Variants in DYRK4 observed in about 807,000 individuals in gnomAD.
DYRK4 encodes dual specificity tyrosine phosphorylation regulated kinase 4, also known as dual specificity tyrosine-phosphorylation-regulated kinase 4.
A neutral mutation model predicts 68.3 loss-of-function variants in DYRK4; 64 were observed. The ratio of observed to expected loss-of-function variants is 0.94; its 90% CI spans 0.77 to 1.15. The LOEUF (loss-of-function observed/expected upper bound fraction) is 1.15, where lower values mean the gene tolerates loss of function less well. Among genes scored for constraint, DYRK4 ranks in the 50% most tolerant of loss-of-function variants. The pLI is 0.00. For missense variants in DYRK4, 740 were observed against 764.7 expected (o/e 0.97, Z 0.38); for synonymous variants, 274 against 289.9 (o/e 0.95, Z 0.56).
Position 4,591,081 on chromosome 12 carries a change from T to C in DYRK4, c.325-79T>C. ...TAAAGAGCCTGGCTGAAGGTGGGTG[T>C]CTTTGGTTAAATAAATGGTTTATGG... On this transcript the variant is annotated intron_variant, in intron 4 of 14. Transcript: ENST00000543431. The surrounding 1 kb of genome is among the most constrained non-coding windows in gnomAD (Gnocchi z 4.1). 4.6e-6 allele frequency: 7 copies of C among 1,529,808 alleles called. No individual in the cohort carries two copies. The highest frequency in any genetic ancestry group is 6.2e-6 in the Non-Finnish European group (7 of 1,134,862). 94.8% of individuals were successfully genotyped at this position (1,529,808 alleles called of 1,614,324 possible).
intron 1 of DYRK4, 85 bp from the exon 2 acceptor site, chr12:4,567,870 C>T: frequency 8.5e-7 from 1 of 1,183,238 alleles, no homozygotes; most frequent in Admixed American, 2.2e-5. Context: ...TCAAACCTGC[C>T]TGCTTTCTTC....
At position 4,591,154 on chromosome 12, in the gene DYRK4, G is replaced by A; in HGVS notation, c.325-6G>A. ...TTATTTATTGCAAACCTCTTTTCCT[G>A]GACAGGAGAATCAAGCTCACAATCA... On this transcript the variant is annotated splice_region_variant and splice_polypyrimidine_tract_variant and intron_variant, in intron 4 of 14. Transcript: ENST00000543431. The surrounding 1 kb of genome is among the most constrained non-coding windows in gnomAD (Gnocchi z 4.1). 6.2e-7 allele frequency: 1 copy of A among 1,613,814 alleles called. No homozygotes were observed. Among genetic ancestry groups the A allele is most frequent in the Non-Finnish European group, 8.5e-7 (1 of 1,179,874 alleles).
chr12:4,563,747 A>G (rs1339976523), intron 1 of DYRK4, among the ~76,000 whole-genome samples: 1 of 152,238 alleles, frequency 6.6e-6, no homozygotes, highest in Non-Finnish European at 1.5e-5. Flanking sequence ...AGGGAGAGAA[A>G]GCTTTTTTCT....
At chr12:4,607,148 TGGATTAGGAGTTAAAA>T (rs1448930704) in intron 11 of DYRK4, among the ~76,000 whole-genome samples, 163 bp from the exon 12 acceptor site, 3 of 152,242 alleles carry the variant, frequency 2.0e-5, no homozygotes, top group African/African-American at 7.2e-5. Flanking sequence ...AAACCAGCCC[TGGATTAGGAGTTAAAA>T]GGCCCAGGCT....
In DYRK4 at chr12:4,582,689, G is replaced by A. The variant is rs115478849; in HGVS notation, c.133-6248G>A. Reference sequence around the variant, plus strand: ...CGGGTGAACGATGGGGACATGGACTGGATGACATGGCGGTGGGGTGGGTGA... The same window carrying A: ...CGGGTGAACGATGGGGACATGGACTAGATGACATGGCGGTGGGGTGGGTGA... On this transcript the variant is annotated intron_variant, in intron 2 of 14. Transcript: ENST00000543431. Among the ~76,000 whole-genome samples, 1,225 of 152,266 alleles carry A rather than the reference G, an allele frequency of 8.0e-3. 13 individuals carry two copies. Among genetic ancestry groups the A allele is most frequent in the African/African-American group, 0.028 (1,146 of 41,552 alleles).
intron 2 of DYRK4, among the ~76,000 whole-genome samples, chr12:4,584,602 C>T (rs2137349578): frequency 7.5e-6 from 1 of 133,028 alleles, no homozygotes; most frequent in Non-Finnish European, 1.5e-5. Flanking sequence ...GTCGCCCAGG[C>T]TGGAGTACAC....
intron 2 of DYRK4, among the ~76,000 whole-genome samples, chr12:4,575,065 G>C (rs4766255): frequency 0.46 from 69,397 of 152,006 alleles, 16,144 homozygotes; most frequent in Middle Eastern, 0.55. Context: ...TCTTGTGCAC[G>C]TTTCTTAGTG....
chr12:4,588,050 C>G (rs7133999), intron 2 of DYRK4, among the ~76,000 whole-genome samples: 39,472 of 152,034 alleles, frequency 0.26, 6,651 homozygotes, highest in African/African-American at 0.46. Context: ...TCCTCACACT[C>G]TGTTTTGTTT....
chr12:4,602,354 T>C (rs1171746081), intron 10 of DYRK4: 1 of 902,530 alleles, frequency 1.1e-6, no homozygotes, highest in African/African-American at 1.7e-5. Context: ...CTTTTCAGCT[T>C]TTCTCTCTTT....
At chr12:4,572,321 G>T (rs760581342) in intron 2 of DYRK4, among the ~76,000 whole-genome samples, 1 of 151,970 alleles carries the variant, frequency 6.6e-6, no homozygotes, top group Non-Finnish European at 1.5e-5. Context: ...TGGCTCTGTC[G>T]CCCAGGCTGG....
intron 2 of DYRK4, among the ~76,000 whole-genome samples, chr12:4,576,753 A>G (rs1944793571): frequency 6.6e-6 from 1 of 152,218 alleles, no homozygotes; most frequent in African/African-American, 2.4e-5. Context: ...GCAATTGCCT[A>G]ATAACATAAT....
At chr12:4,595,677 G>A (rs1945009436) in intron 6 of DYRK4, among the ~76,000 whole-genome samples, 1 of 152,190 alleles carries the variant, frequency 6.6e-6, no homozygotes, top group Admixed American at 6.5e-5. Flanking sequence ...TTCTCTAATT[G>A]ATAGAGACAC....
At position 4,596,589 on chromosome 12, in the gene DYRK4, G is replaced by C. The variant is rs772561161; in HGVS notation, c.765G>C (p.Arg255Ser). The C allele has an allele frequency of 6.2e-7, 1 of 1,613,498 alleles. No homozygotes were observed. The highest frequency in any genetic ancestry group is 1.1e-5 in the South Asian group (1 of 90,908). Residue 255 changes from arginine to serine, a missense_variant and splice_region_variant, in exon 8 of 15, where the codon AGG (arginine) becomes AGC (serine). Arg to Ser is a moderately radical substitution (Grantham distance 110). Transcript: ENST00000543431. The part of the protein sequence containing the change: ...VALKIIRNKK[R>S]FHQQALMELK... Reference sequence around the variant, plus strand: ...TGCCGGCCACTCCCAATCACCTTAGGTTTCACCAGCAGGCCCTGATGGAGC... The same window carrying C: ...TGCCGGCCACTCCCAATCACCTTAGCTTTCACCAGCAGGCCCTGATGGAGC...
Position 4,599,041 on chromosome 12 carries a change from G to A in DYRK4, c.919G>A (p.Glu307Lys). ...TFELLGINLY[E>K]LMKNNNFQGF... ...CCTCTTTTCCAGAATCAACTTGTAT[G>A]AGTTGATGAAGAATAACAACTTTCA... is the stretch of plus-strand genomic sequence containing the variant. Residue 307 changes from glutamate (E) to lysine (K), a missense_variant, in exon 9 of 15, where the codon GAG (glutamate) becomes AAG (lysine). Physicochemically the swap from Glu to Lys is moderately conservative, Grantham distance 56. This residue lies in a region of DYRK4 where 614 missense variants were observed against 603.7 expected (regional missense o/e 1.02). Transcript: ENST00000543431. The A allele has an allele frequency of 1.2e-6, 2 of 1,614,020 alleles. No individual in the cohort carries two copies. The highest frequency in any genetic ancestry group is 1.7e-6 in the Non-Finnish European group (2 of 1,180,002).
chr12:4,605,729 GTTTT>G (rs58963826), intron 11 of DYRK4, among the ~76,000 whole-genome samples: 31,847 of 100,778 alleles, frequency 0.32, 4,740 homozygotes, highest in Middle Eastern at 0.48. Context: ...ATAGAGCTGG[GTTTT>G]TTTTTTTTTT....
chr12:4,567,467 G>A (rs946369009), intron 1 of DYRK4: 1 of 154,292 alleles, frequency 6.5e-6, no homozygotes, highest in African/African-American at 2.4e-5. Flanking sequence ...TGTGTGCAAG[G>A]TTTTTTTTGT....
chr12:4,605,050 G>C lies in DYRK4; in HGVS notation c.1263G>C (p.Gly421=), dbSNP rs747870578. Residue 421 remains glycine, a synonymous_variant, in exon 11 of 15, where the codon GGG becomes GGC. Transcript: ENST00000543431. ...ACACGGGCTACCCCCTGTTCCCCGGGGAGAATGAGGTGGAGCAGCTGGCCT... is the reference window on the plus strand; with the variant it reads ...ACACGGGCTACCCCCTGTTCCCCGGCGAGAATGAGGTGGAGCAGCTGGCCT... ...ELYTGYPLFP[G]ENEVEQLACI... 5.8e-5 allele frequency: 93 copies of C among 1,613,932 alleles called. 1 individual carries two copies. The highest frequency in any genetic ancestry group is 4.9e-4 in the South Asian group (45 of 91,066).
intron 2 of DYRK4, among the ~76,000 whole-genome samples, chr12:4,577,483 T>G (rs1944801263): frequency 6.6e-6 from 1 of 152,240 alleles, no homozygotes; most frequent in East Asian, 1.9e-4. Flanking sequence ...ATTTGTTCCA[T>G]TGAACTATTT....
Position 4,562,211 on chromosome 12 carries a change from G to A in DYRK4, c.-35G>A, listed in dbSNP as rs1225919094. Reference sequence around the variant, plus strand: ...CCTTGCCCTCTGCCGGGCTCTCACAGCCTCCCGCAGCGGCGGGCGGTCAGC... The same window carrying A: ...CCTTGCCCTCTGCCGGGCTCTCACAACCTCCCGCAGCGGCGGGCGGTCAGC... On this transcript the variant is annotated 5_prime_UTR_variant, in exon 1 of 15. Transcript: ENST00000543431. 4.6e-6 allele frequency: 7 copies of A among 1,523,214 alleles called. No individual in the cohort carries two copies. The highest frequency in any genetic ancestry group is 5.3e-6 in the Non-Finnish European group (6 of 1,140,834). The allele number at this position is 1,523,214 out of a possible 1,614,324, so 94.4% of individuals were successfully genotyped here.
Sources: allele counts gnomAD v4.1 joint callset (sites outside exome capture counted in the v4.1 genomes callset), GRCh38; gene constraint gnomAD v4.1.1; regional missense constraint gnomAD v4.1.1; non-coding constraint Gnocchi (gnomAD v3.1); transcripts MANE v1.5; gene names NCBI Gene and HGNC (gene_info 2026-07-23, HGNC 2026-07-21).